Variants in IL21R observed in about 807,000 individuals in gnomAD.
The protein encoded by IL21R is interleukin-21 receptor.
Under a neutral mutation model 41.3 loss-of-function variants are expected in IL21R, and 14 were observed. That is an observed-to-expected ratio of 0.34 (90% CI 0.22 to 0.53). The LOEUF is 0.53. IL21R is among the 20% of genes least tolerant of loss of function. The probability of loss-of-function intolerance (pLI) is 0.94; values close to 1 mark genes in which losing one functional copy is unlikely to be tolerated. For synonymous variants in IL21R, 286 were observed against 287.6 expected (o/e 0.99, Z 0.05); for missense variants, 588 against 681.6 (o/e 0.86, Z 1.53).
intron 4 of IL21R, among the ~76,000 whole-genome samples, chr16:27,441,998 T>G (rs2141304264): frequency 6.6e-6 from 1 of 152,246 alleles, no homozygotes; most frequent in East Asian, 1.9e-4. Flanking sequence ...GGCAACACAG[T>G]GAGATCCTGT....
chr16:27,403,456 G>T (rs955287931), intron 1 of IL21R, among the ~76,000 whole-genome samples: 1 of 152,192 alleles, frequency 6.6e-6, no homozygotes, highest in Non-Finnish European at 1.5e-5. Context: ...GATTCCCTGG[G>T]GGGAGAGTGG....
chr16:27,439,386 AC>A (rs771736754), intron 4 of IL21R, among the ~76,000 whole-genome samples: 55 of 151,390 alleles, frequency 3.6e-4, no homozygotes, highest in Non-Finnish European at 6.8e-4. Context: ...ACACACACGT[AC>A]ACAATACACA....
intron 1 of IL21R, among the ~76,000 whole-genome samples, chr16:27,413,716 T>G (rs2086853782): frequency 6.6e-6 from 1 of 152,050 alleles, no homozygotes; most frequent in South Asian, 2.1e-4. Context: ...ATTTGAAGTA[T>G]CCAATTCGTT....
chr16:27,441,264 G>T (rs952145039), intron 4 of IL21R, among the ~76,000 whole-genome samples: 4 of 152,140 alleles, frequency 2.6e-5, no homozygotes, highest in African/African-American at 9.7e-5. Context: ...TGAACTTGAA[G>T]CCCCATGATA....
At chr16:27,436,361 G>A (rs1451503556) in intron 3 of IL21R, among the ~76,000 whole-genome samples, 1 of 152,262 alleles carries the variant, frequency 6.6e-6, no homozygotes, top group African/African-American at 2.4e-5. Flanking sequence ...CAGTGCAAAG[G>A]CCCTGTGGGA....
In IL21R at chr16:27,444,561, T is replaced by C; in HGVS notation, c.527T>C (p.Ile176Thr). The change falls in exon 6 of 9, where the codon ATC (isoleucine) becomes ACC (threonine). Residue 176 changes from isoleucine (I) to threonine (T), a missense_variant. Transcript: ENST00000337929. ...PWAVSPRRKL[I>T]SVDSRSVSLL... ...TGGCAGAGTCCGAGGAGAAAGCTGATCTCAGTGGACTCAAGAAGTGTCTCC... is the reference window on the plus strand; with the variant it reads ...TGGCAGAGTCCGAGGAGAAAGCTGACCTCAGTGGACTCAAGAAGTGTCTCC... 1 of 1,530,608 alleles carries C rather than the reference T, an allele frequency of 6.5e-7. No homozygotes were observed. 94.8% of individuals were successfully genotyped at this position (1,530,608 alleles called of 1,614,324 possible).
chr16:27,428,364 G>C (rs891633221), intron 1 of IL21R, among the ~76,000 whole-genome samples: 6 of 152,246 alleles, frequency 3.9e-5, no homozygotes, highest in Admixed American at 1.3e-4. Flanking sequence ...AGGGAACTAT[G>C]GATGGGGCCA....
chr16:27,437,746 T>A, intron 4 of IL21R, 59 bp downstream of exon 4: 18 of 1,383,812 alleles, frequency 1.3e-5, no homozygotes, highest in African/African-American at 1.4e-5. Flanking sequence ...ACCGCAGCCC[T>A]GACCTCTCTG....
chr16:27,440,248 T>TATATATATAG lies in IL21R; in HGVS notation c.352+2562_352+2563insTATATATAGA, dbSNP rs1352160946. On this transcript the variant is annotated intron_variant, in intron 4 of 8. Coordinates refer to ENST00000337929, the MANE Select transcript of IL21R (RefSeq NM_181078.3). ...ATATATATATATATATATATATATA[T>TATATATATAG]AGAGAGAGAGAGAGAGAGAGAGAGA... Among the ~76,000 whole-genome samples, 531 of 64,036 alleles carry TATATATATAG rather than the reference T, an allele frequency of 8.3e-3. 2 individuals carry two copies. The highest frequency in any genetic ancestry group is 9.4e-3 in the Non-Finnish European group (355 of 37,640). 42.0% of individuals were successfully genotyped at this position (64,036 alleles called of 152,430 possible). A position where few individuals can be genotyped will look rare whatever the true frequency, so the allele number is the denominator to read the frequency against.
At chr16:27,439,744 C>T (rs969290791) in intron 4 of IL21R, among the ~76,000 whole-genome samples, 1 of 152,194 alleles carries the variant, frequency 6.6e-6, no homozygotes, top group African/African-American at 2.4e-5. Flanking sequence ...CTCTGGCATT[C>T]CCTCCCTCCC....
chr16:27,437,768 T>A (rs1008639229), intron 4 of IL21R, 81 bp downstream of exon 4: 3 of 1,095,200 alleles, frequency 2.7e-6, no homozygotes, highest in Non-Finnish European at 4.1e-6. Flanking sequence ...GCTCAGGTGA[T>A]CCTCCCACCT....
intron 7 of IL21R, 151 bp downstream of exon 7, chr16:27,445,427 A>T: frequency 1.6e-6 from 1 of 640,158 alleles, no homozygotes; most frequent in Non-Finnish European, 2.8e-6. Flanking sequence ...TGTGCTGGAC[A>T]CTGTGGAGGG....
chr16:27,444,361 G>A (rs2087440522), intron 5 of IL21R, among the ~76,000 whole-genome samples, 181 bp from the exon 6 acceptor site: 1 of 152,120 alleles, frequency 6.6e-6, no homozygotes, highest in African/African-American at 2.4e-5. Flanking sequence ...GCCAGGCAGT[G>A]CTGGTGAGTC....
chr16:27,417,868 T>C (rs915506447), intron 1 of IL21R, among the ~76,000 whole-genome samples: 3 of 152,170 alleles, frequency 2.0e-5, no homozygotes, highest in African/African-American at 7.2e-5. Context: ...AGTGATTAAG[T>C]GCTGAGGGAA....
chr16:27,445,951 G>A, intron 7 of IL21R, 56 bp from the exon 8 acceptor site: 2 of 1,425,778 alleles, frequency 1.4e-6, no homozygotes, highest in Non-Finnish European at 2.0e-6. Flanking sequence ...GTCCGAATGG[G>A]AGGCCAGGCT....
intron 4 of IL21R, among the ~76,000 whole-genome samples, chr16:27,439,393 A>G (rs1201693178): frequency 1.4e-5 from 2 of 142,116 alleles, no homozygotes; most frequent in African/African-American, 5.0e-5. Context: ...CGTACACAAT[A>G]CACACACACT....
chr16:27,441,437 C>T (rs941527330), intron 4 of IL21R, among the ~76,000 whole-genome samples: 5 of 152,218 alleles, frequency 3.3e-5, no homozygotes, highest in Non-Finnish European at 5.9e-5. Context: ...GCTCAGAGCT[C>T]GGCTCTTGCA....
chr16:27,448,482 C>T, intron 8 of IL21R, 52 bp from the exon 9 acceptor site: 1 of 1,510,844 alleles, frequency 6.6e-7, no homozygotes, highest in Non-Finnish European at 8.9e-7. Flanking sequence ...AAAAATAAAC[C>T]CTCACCTTAC....
chr16:27,404,273 G>A (rs544911944), intron 1 of IL21R, among the ~76,000 whole-genome samples: 6 of 152,302 alleles, frequency 3.9e-5, no homozygotes, highest in East Asian at 3.9e-4. Context: ...GTGATAGGAG[G>A]AGGCAGAATC....
Sources: gnomAD v4.1 joint callset for allele counts (sites outside exome capture counted in the v4.1 genomes callset) on GRCh38, gnomAD v4.1.1 for gene constraint, MANE v1.5 for transcripts, NCBI Gene and HGNC (gene_info 2026-07-23, HGNC 2026-07-21) for gene names.